The following MINDY3 variants were observed in gnomAD, a reference collection of about 807,000 sequenced individuals.
MINDY3 encodes ubiquitin carboxyl-terminal hydrolase MINDY-3.
In MINDY3, 38 loss-of-function variants were observed where a neutral mutation model predicts 69.2. That is an observed-to-expected ratio of 0.55 (90% CI 0.42 to 0.72). The LOEUF (loss-of-function observed/expected upper bound fraction) is 0.72, where lower values mean the gene tolerates loss of function less well. Ranked by LOEUF, MINDY3 falls within the 30% of genes least tolerant of loss-of-function variation. MINDY3 has a pLI of 0.00. For synonymous variants in MINDY3, 192 were observed against 180.1 expected (o/e 1.07, Z -0.53); for missense variants, 522 against 519.0 (o/e 1.01, Z -0.06).
At chr10:15,845,718 C>T (rs564092723) in intron 2 of MINDY3, among the ~76,000 whole-genome samples, 23 of 151,020 alleles carry the variant, frequency 1.5e-4, no homozygotes, top group African/African-American at 5.6e-4. Flanking sequence ...TGTTGCCCAG[C>T]CTGGTTTTGA....
chr10:15,847,525 C>G (rs1833937003), intron 2 of MINDY3, among the ~76,000 whole-genome samples: 1 of 151,908 alleles, frequency 6.6e-6, no homozygotes, highest in Non-Finnish European at 1.5e-5. Flanking sequence ...GAAAATAGTA[C>G]AATTACAGTG....
Position 15,778,291 on chromosome 10 carries a change from C to G in MINDY3, c.*701G>C, listed in dbSNP as rs775300097. ...TCGTGTTTATAAATATAGAAGAAAG[C>G]TGGCTTACAGGGCTGTTGGGACAAA... On this transcript the variant is annotated 3_prime_UTR_variant, in exon 15 of 15. Coordinates refer to ENST00000277632, the MANE Select transcript of MINDY3 (RefSeq NM_024948.4). 4 of 152,090 alleles carry G rather than the reference C, an allele frequency of 2.6e-5. No homozygotes were observed. Among genetic ancestry groups the G allele is most frequent in the Non-Finnish European group, 5.9e-5 (4 of 68,016 alleles). 9.4% of individuals were successfully genotyped at this position (152,090 alleles called of 1,614,324 possible).
At chr10:15,820,957 T>G (rs1470738054) in intron 9 of MINDY3, among the ~76,000 whole-genome samples, 1 of 152,130 alleles carries the variant, frequency 6.6e-6, no homozygotes, top group African/African-American at 2.4e-5. Context: ...TTAAAAAAAT[T>G]TTTTTAATGA....
At chr10:15,832,668 A>C (rs1269946414) in intron 8 of MINDY3, among the ~76,000 whole-genome samples, 1 of 152,230 alleles carries the variant, frequency 6.6e-6, no homozygotes, top group Non-Finnish European at 1.5e-5. Flanking sequence ...GAATTAAATA[A>C]GAAGTGAACT....
chr10:15,832,837 T>C lies in MINDY3; in HGVS notation c.730+793A>G, dbSNP rs545535779. On this transcript the variant is annotated intron_variant, in intron 8 of 14. Coordinates refer to ENST00000277632, the MANE Select transcript of MINDY3 (RefSeq NM_024948.4). ...ATTTGAGAAAAATTCAAATGGAAGA[T>C]CATGAATCACTTCAATGGGAGCAAA... is the stretch of plus-strand genomic sequence containing the variant. 2.0e-5 allele frequency among the ~76,000 whole-genome samples: 3 copies of C among 152,280 alleles called. No individual in the cohort carries two copies. The South Asian group carries it at 6.2e-4, about 32-fold the overall frequency.
At chr10:15,787,396 A>AGACT (rs954298873) in intron 12 of MINDY3, among the ~76,000 whole-genome samples, 12 of 152,090 alleles carry the variant, frequency 7.9e-5, no homozygotes, top group African/African-American at 2.7e-4. Flanking sequence ...GAAAAGTTTT[A>AGACT]TTTTCCTTGC....
At chr10:15,814,399 C>T (rs115266136) in intron 10 of MINDY3, among the ~76,000 whole-genome samples, 2,383 of 151,852 alleles carry the variant, frequency 0.016, 49 homozygotes, top group African/African-American at 0.051. Context: ...GGGATATAAA[C>T]GTCACTGGAA....
At chr10:15,840,317 A>G (rs1770097151) in intron 4 of MINDY3, among the ~76,000 whole-genome samples, 1 of 151,688 alleles carries the variant, frequency 6.6e-6, no homozygotes, top group African/African-American at 2.4e-5. Flanking sequence ...AAAATATGTT[A>G]AGTTCTTTTT....
intron 1 of MINDY3, among the ~76,000 whole-genome samples, chr10:15,854,385 A>C (rs927983142): frequency 6.6e-6 from 1 of 152,078 alleles, no homozygotes; most frequent in Non-Finnish European, 1.5e-5. Context: ...GTAGGAATCC[A>C]GCTGTCTTCT....
rs553140765 is a variant in MINDY3 at position 15,852,015 on chromosome 10, C to T, written c.95-4072G>A. Among the ~76,000 whole-genome samples, 12 of 152,262 alleles carry T rather than the reference C, an allele frequency of 7.9e-5. No homozygotes were observed. In the East Asian group the frequency reaches 2.1e-3, roughly 27 times the overall value. On this transcript the variant is annotated intron_variant, in intron 1 of 14. Coordinates refer to ENST00000277632, the MANE Select transcript of MINDY3 (RefSeq NM_024948.4). ...TAAAAATGCTCTTTCCGCTACTCTCCATATAGATAAATCCTTATTTTTCAG... is the reference window on the plus strand; with the variant it reads ...TAAAAATGCTCTTTCCGCTACTCTCTATATAGATAAATCCTTATTTTTCAG...
At chr10:15,800,873 A>G (rs1250439153) in intron 10 of MINDY3, among the ~76,000 whole-genome samples, 9 of 152,184 alleles carry the variant, frequency 5.9e-5, no homozygotes, top group Non-Finnish European at 1.3e-4. Flanking sequence ...ATGTAAGTGC[A>G]GGGTTGCTAT....
Position 15,821,680 on chromosome 10 carries a change from T to G in MINDY3, c.777A>C (p.Leu259=), listed in dbSNP as rs779000415. The change falls in exon 9 of 15, where the codon CTA becomes CTC. Residue 259 remains leucine (L), a synonymous_variant. Coordinates refer to ENST00000277632, the MANE Select transcript of MINDY3 (RefSeq NM_024948.4). ...CCTTACAGTATCTTAAAGCTTCCAT[T>G]AGTGTTAAAAATCCTACTGCTGCTT... ...HEQAAVGFLT[L]MEALRYCKVG... is the part of the protein sequence containing the mutation. 1.2e-6 allele frequency: 2 copies of G among 1,611,296 alleles called. No homozygotes were observed. Among genetic ancestry groups the G allele is most frequent in the South Asian group, 2.2e-5 (2 of 90,448 alleles).
intron 2 of MINDY3, among the ~76,000 whole-genome samples, chr10:15,847,058 C>T (rs1003307716): frequency 6.6e-6 from 1 of 151,960 alleles, no homozygotes; most frequent in Non-Finnish European, 1.5e-5. Context: ...ATAATAAATG[C>T]CACATTAAAT....
intron 10 of MINDY3, among the ~76,000 whole-genome samples, chr10:15,799,281 C>T (rs1343581140): frequency 6.6e-6 from 1 of 152,080 alleles, no homozygotes; most frequent in East Asian, 1.9e-4. Flanking sequence ...CTCACTGCAA[C>T]CTCCACCTCC....
chr10:15,829,910 G>T lies in MINDY3; in HGVS notation c.730+3720C>A, dbSNP rs954052338. Among the ~76,000 whole-genome samples the T allele has an allele frequency of 4.6e-5, 7 of 152,332 alleles. No homozygotes were observed. The East Asian group carries it at 1.2e-3, about 25-fold the overall frequency. ...GCAGTTTGCCCACCGTCAAACAGCA[G>T]AGGCATAAACTAACTGGTGCCATCG... On this transcript the variant is annotated intron_variant, in intron 8 of 14. Coordinates refer to ENST00000277632, the MANE Select transcript of MINDY3 (RefSeq NM_024948.4).
chr10:15,798,472 T>C (rs1186390671), intron 10 of MINDY3, among the ~76,000 whole-genome samples: 1 of 151,660 alleles, frequency 6.6e-6, no homozygotes, highest in Non-Finnish European at 1.5e-5. Context: ...GTGTTTTTTT[T>C]TTTTTTTTAA....
chr10:15,829,982 G>A (rs1031401689), intron 8 of MINDY3, among the ~76,000 whole-genome samples: 3 of 152,080 alleles, frequency 2.0e-5, no homozygotes, highest in South Asian at 2.1e-4. Context: ...AGTGTCCTGC[G>A]GTACCACTTG....
chr10:15,847,451 T>A (rs369451725), intron 2 of MINDY3, among the ~76,000 whole-genome samples: 34 of 152,324 alleles, frequency 2.2e-4, no homozygotes, highest in East Asian at 9.6e-4. Context: ...GAAAAAGTTA[T>A]AAGCCAGAAA....
At chr10:15,807,744 A>G (rs2131939047) in intron 10 of MINDY3, among the ~76,000 whole-genome samples, 1 of 152,282 alleles carries the variant, frequency 6.6e-6, no homozygotes, top group East Asian at 1.9e-4. Flanking sequence ...TGGAAAAGAG[A>G]GACTTCTTCC....
Sources: allele counts gnomAD v4.1 joint callset (sites outside exome capture counted in the v4.1 genomes callset), GRCh38; gene constraint gnomAD v4.1.1; transcripts MANE v1.5; gene names NCBI Gene and HGNC (gene_info 2026-07-23, HGNC 2026-07-21).